Variants in OTUD7B observed in about 807,000 individuals in gnomAD.
OTUD7B encodes the protein OTU domain-containing protein 7B.
In OTUD7B, 34 loss-of-function variants were observed where a neutral mutation model predicts 82.2. The observed-to-expected ratio is 0.41, with a 90% confidence interval of 0.31 to 0.55. The LOEUF is 0.55. Ranked by LOEUF, OTUD7B falls within the 20% of genes least tolerant of loss-of-function variation. The pLI is 0.20. For missense variants in OTUD7B, 944 were observed against 1,062.1 expected (o/e 0.89, Z 1.55); for synonymous variants, 398 against 402.7 (o/e 0.99, Z 0.14).
At chr1:150,021,882 G>A in the OTUD7B span, among the ~76,000 whole-genome samples, 20 of 152,288 alleles carry the variant, frequency 1.3e-4, no homozygotes, top group Non-Finnish European at 2.4e-4. Flanking sequence ...CATTACAGAT[G>A]CAGTGGTTAC....
intron 1 of OTUD7B, among the ~76,000 whole-genome samples, chr1:149,994,974 C>T (rs587748847): frequency 4.7e-4 from 71 of 152,278 alleles, no homozygotes; most frequent in South Asian, 1.0e-3. Context: ...GAATTTGACA[C>T]TATAAATCTT....
chr1:150,008,463 A>G (rs1553786624), intron 1 of OTUD7B, among the ~76,000 whole-genome samples: 1 of 152,234 alleles, frequency 6.6e-6, no homozygotes, highest in East Asian at 1.9e-4. Context: ...TTGGCAACAT[A>G]AGGCCACTAA....
At chr1:150,002,209 T>TC (rs1436951751) in intron 1 of OTUD7B, among the ~76,000 whole-genome samples, 33 of 184 alleles carry the variant, frequency 0.18, no homozygotes, top group African/African-American at 0.34. Flanking sequence ...TTAGATATTC[T>TC]TTTTTTTTTA....
rs587772932 is a variant in OTUD7B, at chr1:149,965,709, C to T, written c.604+68G>A. 15 of 1,126,996 alleles carry T rather than the reference C, an allele frequency of 1.3e-5. 1 individual carries two copies. Among genetic ancestry groups the T allele is most frequent in the Middle Eastern group, 4.0e-4 (2 of 5,026 alleles). 69.8% of individuals were successfully genotyped at this position (1,126,996 alleles called of 1,614,324 possible). A position where few individuals can be genotyped will look rare whatever the true frequency, so the allele number is the denominator to read the frequency against. On this transcript the variant is annotated intron_variant, in intron 5 of 11. Transcript: ENST00000581312. ...AGATCAAGGTTATCTGGATCAAGTC[C>T]TACACATGAGATTTGACTCAACTGC...
chr1:150,039,165 T>C, the OTUD7B span, among the ~76,000 whole-genome samples: 1 of 152,172 alleles, frequency 6.6e-6, no homozygotes, highest in East Asian at 1.9e-4. Flanking sequence ...TTCATTGCTC[T>C]TTAAAAACAG....
the OTUD7B span, among the ~76,000 whole-genome samples, chr1:150,028,397 G>GT: frequency 1.1e-4 from 17 of 152,006 alleles, no homozygotes; most frequent in African/African-American, 2.9e-4. Context: ...TTCACTGTGG[G>GT]TTTTTTTTCC....
At chr1:149,952,414 G>A (rs1407312989) in intron 7 of OTUD7B, among the ~76,000 whole-genome samples, 3 of 152,254 alleles carry the variant, frequency 2.0e-5, no homozygotes, top group East Asian at 3.9e-4. Flanking sequence ...ATTCCATGGT[G>A]TATATGTGCC....
At chr1:150,010,872 G>C (rs1653002114), upstream of OTUD7B, among the ~76,000 whole-genome samples, 1 of 152,114 alleles carries the variant, frequency 6.6e-6, no homozygotes, top group South Asian at 2.1e-4. Context: ...CGGCCAGTTT[G>C]GCGCTTGCCC....
At chr1:150,055,041 C>CTTT in the OTUD7B span, 27,466 of 142,128 alleles carry the variant, frequency 0.19, 3,255 homozygotes, top group East Asian at 0.25. Context: ...TCTAAATTTC[C>CTTT]TTTTTTTTTT....
chr1:150,056,545 GGC>G, the OTUD7B span, among the ~76,000 whole-genome samples: 1 of 152,096 alleles, frequency 6.6e-6, no homozygotes, highest in Admixed American at 6.5e-5. Context: ...ATCTGAGGTA[GGC>G]GTTATTTTCT....
At chr1:150,028,945 T>C in the OTUD7B span, among the ~76,000 whole-genome samples, 1 of 152,224 alleles carries the variant, frequency 6.6e-6, no homozygotes, top group African/African-American at 2.4e-5. Flanking sequence ...TATTGTAGCA[T>C]ATGTCAGAAT....
chr1:150,016,452 CTT>C, the OTUD7B span, among the ~76,000 whole-genome samples: 7,369 of 106,366 alleles, frequency 0.069, 324 homozygotes, highest in Non-Finnish European at 0.11. Flanking sequence ...TTTTCTTTTT[CTT>C]TTTTTTTTTT....
At chr1:150,061,021 G>A in the OTUD7B span, among the ~76,000 whole-genome samples, 2 of 150,124 alleles carry the variant, frequency 1.3e-5, no homozygotes, top group East Asian at 1.9e-4. Context: ...CATCGCACCC[G>A]GCTGACTAAA....
Position 149,943,607 on chromosome 1 carries a change from C to T in OTUD7B, c.*250G>A. On this transcript the variant is annotated 3_prime_UTR_variant, in exon 12 of 12. Transcript: ENST00000581312. ...TTATAAGACAGAATCGCCATCTTTT[C>T]CCCTTGTACCTCAAACCTCATCAAG... 2.2e-6 allele frequency: 1 copy of T among 460,698 alleles called. No individual in the cohort carries two copies. The highest frequency in any genetic ancestry group is 3.9e-6 in the Non-Finnish European group (1 of 257,166). 28.5% of individuals were successfully genotyped at this position (460,698 alleles called of 1,614,324 possible).
At chr1:149,976,861 C>G (rs1553778692) in intron 2 of OTUD7B, among the ~76,000 whole-genome samples, 2 of 152,070 alleles carry the variant, frequency 1.3e-5, no homozygotes, top group African/African-American at 4.8e-5. Context: ...TGGCTCATGC[C>G]TGTAATCCCA....
At chr1:149,976,193 A>G (rs1026917442) in intron 2 of OTUD7B, among the ~76,000 whole-genome samples, 14 of 152,142 alleles carry the variant, frequency 9.2e-5, no homozygotes, top group Non-Finnish European at 1.9e-4. Flanking sequence ...TTACCTATGT[A>G]TGCTAAGAAC....
At chr1:150,054,976 T>A in the OTUD7B span, 1 of 332,254 alleles carries the variant, frequency 3.0e-6, no homozygotes, top group African/African-American at 2.3e-5. Flanking sequence ...GCTCCAGGGC[T>A]ACCTCTGATC....
intron 1 of OTUD7B, among the ~76,000 whole-genome samples, chr1:149,988,935 A>G (rs1356929959): frequency 6.6e-6 from 1 of 152,206 alleles, no homozygotes; most frequent in Non-Finnish European, 1.5e-5. Flanking sequence ...AAAACACACT[A>G]TCTCTCTAGA....
rs782487665 is a variant in OTUD7B at position 149,949,671 on chromosome 1, C to T, written c.1081G>A (p.Ala361Thr). Residue 361 changes from alanine to threonine, a missense_variant, in exon 9 of 12, where the codon GCA becomes ACA. Transcript: ENST00000581312. Reference sequence around the variant, plus strand: ...TCCTTCTGCTCCATGGACACGAGTGCAGAAAAGTGGGCCTGATCATAGGCG... The same window carrying T: ...TCCTTCTGCTCCATGGACACGAGTGTAGAAAAGTGGGCCTGATCATAGGCG... ...VLAYDQAHFS[A>T]LVSMEQKENT... 1 of 1,614,132 alleles carries T rather than the reference C, an allele frequency of 6.2e-7. No individual in the cohort carries two copies. Among genetic ancestry groups the T allele is most frequent in the Non-Finnish European group, 8.5e-7 (1 of 1,180,028 alleles).
Sources: allele counts gnomAD v4.1 joint callset (sites outside exome capture counted in the v4.1 genomes callset), GRCh38; gene constraint gnomAD v4.1.1; transcripts MANE v1.5; gene names NCBI Gene and HGNC (gene_info 2026-07-23, HGNC 2026-07-21).